The following GPC5 variants were observed in gnomAD, a reference collection of about 807,000 sequenced individuals.
GPC5 encodes the protein glypican-5.
GPC5 carries 47 observed loss-of-function variants against 53.9 expected under a neutral mutation model. The observed-to-expected ratio is 0.87, with a 90% CI of 0.69 to 1.11. The LOEUF is 1.11. Among genes scored for constraint, GPC5 ranks in the 50% most tolerant of loss-of-function variants. GPC5 has a pLI of 0.00. For missense variants in GPC5, 748 were observed against 713.1 expected (o/e 1.05, Z -0.56); for synonymous variants, 286 against 263.3 (o/e 1.09, Z -0.84).
chr13:92,192,732 G>T (rs577743711), intron 7 of GPC5, among the ~76,000 whole-genome samples: 1 of 152,204 alleles, frequency 6.6e-6, no homozygotes, highest in South Asian at 2.1e-4. Context: ...CTATGCCCAC[G>T]TATGGGATTG....
intron 7 of GPC5, among the ~76,000 whole-genome samples, chr13:92,610,398 A>AG (rs1884396346): frequency 6.6e-6 from 1 of 152,192 alleles, no homozygotes; most frequent in Admixed American, 6.6e-5. Context: ...AATTTCAGCT[A>AG]GGAGGAGTAT....
At chr13:92,209,799 T>C (rs1454770416) in intron 7 of GPC5, among the ~76,000 whole-genome samples, 7 of 152,086 alleles carry the variant, frequency 4.6e-5, no homozygotes, top group Admixed American at 3.9e-4. Flanking sequence ...AGGATAGATA[T>C]ATATATAAAG....
chr13:92,311,572 C>A (rs79263628), intron 7 of GPC5, among the ~76,000 whole-genome samples: 3,438 of 152,150 alleles, frequency 0.023, 141 homozygotes, highest in African/African-American at 0.079. Flanking sequence ...GCTGGGGAGG[C>A]CTCACAATCA....
chr13:91,782,420 G>A (rs1279203871), intron 5 of GPC5, among the ~76,000 whole-genome samples: 1 of 152,148 alleles, frequency 6.6e-6, no homozygotes, highest in African/African-American at 2.4e-5. Flanking sequence ...GGTGGAAGGT[G>A]AAAGGGAAGC....
chr13:91,988,625 G>A (rs1763939698), intron 6 of GPC5, among the ~76,000 whole-genome samples: 1 of 152,146 alleles, frequency 6.6e-6, no homozygotes, highest in African/African-American at 2.4e-5. Context: ...CAAACCTCCT[G>A]TATGCCAAGC....
At chr13:92,464,583 G>A (rs1878618819) in intron 7 of GPC5, among the ~76,000 whole-genome samples, 1 of 151,860 alleles carries the variant, frequency 6.6e-6, no homozygotes, top group Admixed American at 6.6e-5. Context: ...GTTTACTGAT[G>A]GGTTCATAGT....
At chr13:91,478,859 T>TAC (rs1280355403) in intron 2 of GPC5, among the ~76,000 whole-genome samples, 2 of 107,944 alleles carry the variant, frequency 1.9e-5, no homozygotes, top group Non-Finnish European at 3.8e-5. Context: ...TATATATATA[T>TAC]ACACACACAT....
At chr13:92,351,581 A>C (rs2043477919) in intron 7 of GPC5, among the ~76,000 whole-genome samples, 1 of 152,062 alleles carries the variant, frequency 6.6e-6, no homozygotes, top group African/African-American at 2.4e-5. Flanking sequence ...ATATGATGTT[A>C]TTTACATACA....
intron 7 of GPC5, among the ~76,000 whole-genome samples, chr13:92,169,097 C>T (rs2042051501): frequency 1.3e-5 from 2 of 152,156 alleles, no homozygotes. Flanking sequence ...CCAAACACTG[C>T]ATGTTCTCGC....
chr13:92,357,004 G>A (rs920270708), intron 7 of GPC5, among the ~76,000 whole-genome samples: 8 of 148,074 alleles, frequency 5.4e-5, no homozygotes, highest in African/African-American at 2.1e-4. Flanking sequence ...TGTTATGGAT[G>A]ATGGCCTTCA....
intron 7 of GPC5, among the ~76,000 whole-genome samples, chr13:92,149,092 C>T (rs888805419): frequency 4.6e-5 from 7 of 152,002 alleles, no homozygotes; most frequent in Non-Finnish European, 1.0e-4. Flanking sequence ...CTGATCACAA[C>T]TAGAACCAGA....
intron 7 of GPC5, among the ~76,000 whole-genome samples, chr13:92,839,987 TG>T (rs1449915135): frequency 6.6e-6 from 1 of 150,768 alleles, no homozygotes; most frequent in Non-Finnish European, 1.5e-5. Context: ...ACATAAGAAT[TG>T]GTTGATTGTG....
intron 5 of GPC5, among the ~76,000 whole-genome samples, chr13:91,798,600 A>G (rs557123693): frequency 5.9e-5 from 9 of 152,134 alleles, no homozygotes; most frequent in African/African-American, 1.2e-4. Flanking sequence ...ATTGATGGCC[A>G]TTTAGGTTGA....
intron 1 of GPC5, among the ~76,000 whole-genome samples, chr13:91,403,866 C>G (rs941994279): frequency 4.6e-5 from 7 of 151,858 alleles, no homozygotes; most frequent in South Asian, 2.1e-4. Context: ...CACATATTCC[C>G]TCATGGGGTT....
At chr13:91,443,736 G>A (rs1208144110) in intron 1 of GPC5, among the ~76,000 whole-genome samples, 1 of 152,166 alleles carries the variant, frequency 6.6e-6, no homozygotes, top group Non-Finnish European at 1.5e-5. Flanking sequence ...TTGTTTTGGG[G>A]TCTTTTCAGG....
chr13:92,328,491 A>G lies in GPC5; in HGVS notation c.1561+183502A>G, dbSNP rs192972034. ...AAGTATCAATCAAGGTCTTAGACGT[A>G]GAGGAATAAGAGTGAATCAATTAAT... On this transcript the variant is annotated intron_variant, in intron 7 of 7. Transcript: ENST00000377067. Among the ~76,000 whole-genome samples, 3 of 152,310 alleles carry G rather than the reference A, an allele frequency of 2.0e-5. No homozygotes were observed. The East Asian group carries it at 5.8e-4, about 29-fold the overall frequency.
intron 7 of GPC5, among the ~76,000 whole-genome samples, chr13:92,703,623 A>T (rs1255499682): frequency 7.7e-6 from 1 of 129,688 alleles, no homozygotes; most frequent in South Asian, 2.9e-4. Context: ...TTGATGTATA[A>T]TTTTTTTATA....
intron 5 of GPC5, among the ~76,000 whole-genome samples, chr13:91,839,138 C>A (rs1336467365): frequency 6.6e-6 from 1 of 152,090 alleles, no homozygotes; most frequent in Non-Finnish European, 1.5e-5. Flanking sequence ...CAATAATATG[C>A]TTTTGCCAAA....
intron 7 of GPC5, among the ~76,000 whole-genome samples, chr13:92,342,908 A>G (rs1210582266): frequency 6.6e-6 from 1 of 152,142 alleles, no homozygotes; most frequent in Admixed American, 6.6e-5. Flanking sequence ...ATTTTATCAT[A>G]CTTATGTACA....
Sources: gnomAD v4.1 joint callset for allele counts (sites outside exome capture counted in the v4.1 genomes callset) on GRCh38, gnomAD v4.1.1 for gene constraint, MANE v1.5 for transcripts, NCBI Gene and HGNC (gene_info 2026-07-23, HGNC 2026-07-21) for gene names.